The following PPFIA2 variants were observed in gnomAD, a reference collection of about 807,000 sequenced individuals.
The protein encoded by PPFIA2 is PPFI scaffold protein A2.
Under a neutral mutation model 175.5 loss-of-function variants are expected in PPFIA2, and 46 were observed. The ratio of observed to expected loss-of-function variants is 0.26; its 90% CI spans 0.21 to 0.34. The LOEUF (loss-of-function observed/expected upper bound fraction) is 0.34, where lower values mean the gene tolerates loss of function less well. Ranked by LOEUF, PPFIA2 falls within the 10% of genes least tolerant of loss-of-function variation. The pLI is 1.00. For synonymous variants in PPFIA2, 568 were observed against 511.4 expected (o/e 1.11, Z -1.49); for missense variants, 1,179 against 1,506.1 (o/e 0.78, Z 3.60).
intron 3 of PPFIA2, among the ~76,000 whole-genome samples, chr12:81,678,603 C>T (rs1054424986): frequency 1.3e-5 from 2 of 151,562 alleles, no homozygotes; most frequent in Non-Finnish European, 2.9e-5. Flanking sequence ...TTTTCTCTAC[C>T]CAGAATCCTT....
intron 16 of PPFIA2, among the ~76,000 whole-genome samples, chr12:81,355,449 A>C (rs973952990): frequency 6.6e-6 from 1 of 152,140 alleles, no homozygotes; most frequent in Non-Finnish European, 1.5e-5. Context: ...GCTTACAGTC[A>C]CTAGCTGCAT....
chr12:81,637,741 C>T (rs891615187), intron 4 of PPFIA2, among the ~76,000 whole-genome samples: 1 of 152,070 alleles, frequency 6.6e-6, no homozygotes, highest in African/African-American at 2.4e-5. Context: ...TTCCAGTCAC[C>T]TCAAAGCTTG....
chr12:81,644,299 TG>T (rs1239539460), intron 4 of PPFIA2, among the ~76,000 whole-genome samples: 2 of 152,030 alleles, frequency 1.3e-5, no homozygotes, highest in African/African-American at 4.8e-5. Flanking sequence ...GATGTTTACA[TG>T]AATATAGCTA....
In PPFIA2 at chr12:81,347,608, G is replaced by C. The variant is rs1194901799; in HGVS notation, c.2157C>G (p.Pro719=). The change falls in exon 18 of 33, where the codon CCC becomes CCG. Residue 719 remains proline (P), a synonymous_variant. Transcript: ENST00000549396. ...TASSLASSSP[P]SGHSTPKLTP... is the part of the protein sequence containing the mutation. ...TGAGCTTTGGAGTTGAGTGTCCACT[G>C]GGGGGAGATGAACTGGCCAGCGATG... 3 of 1,613,450 alleles carry C rather than the reference G, an allele frequency of 1.9e-6. No individual in the cohort carries two copies. Among genetic ancestry groups the C allele is most frequent in the Non-Finnish European group, 1.7e-6 (2 of 1,179,632 alleles).
intron 4 of PPFIA2, among the ~76,000 whole-genome samples, chr12:81,500,097 G>A (rs1244591141): frequency 6.6e-6 from 1 of 152,074 alleles, no homozygotes; most frequent in Non-Finnish European, 1.5e-5. Context: ...AAATATTCAC[G>A]GCCTCATGTT....
At chr12:81,346,404 A>T (rs2059077649) in intron 18 of PPFIA2, among the ~76,000 whole-genome samples, 1 of 151,638 alleles carries the variant, frequency 6.6e-6, no homozygotes. Flanking sequence ...CGAGAATTAA[A>T]TGACTAACAT....
intron 4 of PPFIA2, among the ~76,000 whole-genome samples, chr12:81,512,789 A>T (rs978540223): frequency 6.6e-6 from 1 of 152,032 alleles, no homozygotes; most frequent in African/African-American, 2.4e-5. Context: ...AGAACAAAAT[A>T]TTGTATTTGG....
chr12:81,375,902 G>A lies in PPFIA2; in HGVS notation c.1025C>T (p.Thr342Ile). The change falls in exon 10 of 33, where the codon ACC becomes ATC. Residue 342 changes from threonine to isoleucine, a missense_variant. Thr to Ile is a moderately conservative substitution (Grantham distance 89). Around this residue, in one of 10 missense-constraint regions of PPFIA2, gnomAD observed 226 missense variants for 216.6 expected, o/e 1.04. Transcript: ENST00000549396. ...QKEDMEERITTLEKRYLSAQR... is the reference protein window; with the variant it reads ...QKEDMEERITILEKRYLSAQR... ...AGCACTGAGGTAACGCTTTTCAAGG[G>A]TTGTAATTCTTTCTTCCATATCTTC... 1.2e-6 allele frequency: 2 copies of A among 1,613,286 alleles called. No homozygotes were observed. Among genetic ancestry groups the A allele is most frequent in the Non-Finnish European group, 1.7e-6 (2 of 1,179,434 alleles).
intron 24 of PPFIA2, among the ~76,000 whole-genome samples, chr12:81,293,307 G>A (rs983214531): frequency 6.6e-6 from 1 of 151,920 alleles, no homozygotes; most frequent in Admixed American, 6.6e-5. Context: ...CGTCATGCAT[G>A]CCTTTTTTGT....
At chr12:81,591,458 A>G (rs960136069) in intron 4 of PPFIA2, among the ~76,000 whole-genome samples, 8 of 152,182 alleles carry the variant, frequency 5.3e-5, no homozygotes, top group Non-Finnish European at 8.8e-5. Flanking sequence ...CCCCAAGACA[A>G]TAGTGAAAAT....
intron 3 of PPFIA2, among the ~76,000 whole-genome samples, chr12:81,689,725 T>C (rs1471784478): frequency 6.6e-6 from 1 of 152,040 alleles, no homozygotes; most frequent in African/African-American, 2.4e-5. Flanking sequence ...TTTACTGGGA[T>C]CAATTTAGAA....
At chr12:81,370,319 C>T (rs1054793224) in intron 11 of PPFIA2, among the ~76,000 whole-genome samples, 2 of 151,702 alleles carry the variant, frequency 1.3e-5, no homozygotes, top group African/African-American at 4.8e-5. Flanking sequence ...GACTTCTGGT[C>T]TCTGAATGCA....
chr12:81,368,891 A>C (rs746924578), intron 12 of PPFIA2, 35 bp from the exon 13 acceptor site: 1 of 1,585,900 alleles, frequency 6.3e-7, no homozygotes, highest in Admixed American at 1.8e-5. Context: ...AAATCCATTC[A>C]AAAACTGTTT....
intron 4 of PPFIA2, among the ~76,000 whole-genome samples, chr12:81,643,535 A>T (rs1214797635): frequency 6.6e-6 from 1 of 151,974 alleles, no homozygotes; most frequent in East Asian, 1.9e-4. Context: ...AGAGATAAAT[A>T]TTGTTATAAC....
intron 4 of PPFIA2, among the ~76,000 whole-genome samples, chr12:81,646,490 T>C (rs577480021): frequency 1.1e-4 from 16 of 152,234 alleles, no homozygotes; most frequent in African/African-American, 3.9e-4. Flanking sequence ...GAAGCCACAA[T>C]AGTCTATTGC....
At chr12:81,356,499 C>T (rs796256840) in intron 16 of PPFIA2, among the ~76,000 whole-genome samples, 110 of 151,816 alleles carry the variant, frequency 7.2e-4, no homozygotes, top group African/African-American at 2.4e-3. Context: ...CCCATCACTA[C>T]AAAAAATACA....
chr12:81,646,345 C>T (rs1489859820), intron 4 of PPFIA2, among the ~76,000 whole-genome samples: 2 of 152,066 alleles, frequency 1.3e-5, no homozygotes, highest in African/African-American at 4.8e-5. Flanking sequence ...CTCTAGAGAA[C>T]AGGAAGGGAA....
rs994888516 is a variant in PPFIA2, at chr12:81,525,247, T to A, written c.304-67381A>T. Among the ~76,000 whole-genome samples the A allele has an allele frequency of 2.6e-5, 4 of 152,320 alleles. No homozygotes were observed. In the South Asian group the frequency reaches 8.3e-4, roughly 32 times the overall value. ...TTTTTCCTCTGGTGTTCACTTTCTA[T>A]ACATTCCCTCTTATGTTACAGAACT... On this transcript the variant is annotated intron_variant, in intron 4 of 32. Coordinates refer to ENST00000549396, the MANE Select transcript of PPFIA2 (RefSeq NM_003625.5).
chr12:81,751,489 T>C (rs563449758), intron 3 of PPFIA2, among the ~76,000 whole-genome samples: 5 of 151,222 alleles, frequency 3.3e-5, no homozygotes, highest in East Asian at 3.9e-4. Flanking sequence ...TTCAGAAATA[T>C]GGGTGCTGCC....
Sources: allele counts gnomAD v4.1 joint callset (sites outside exome capture counted in the v4.1 genomes callset), GRCh38; gene constraint gnomAD v4.1.1; regional missense constraint gnomAD v4.1.1; transcripts MANE v1.5; gene names NCBI Gene and HGNC (gene_info 2026-07-23, HGNC 2026-07-21).